The following DAAM1 variants were observed in gnomAD, a reference collection of about 807,000 sequenced individuals.
The protein encoded by DAAM1 is disheveled-associated activator of morphogenesis 1.
A neutral mutation model predicts 130.0 loss-of-function variants in DAAM1; 52 were observed. The ratio of observed to expected loss-of-function variants is 0.40; its 90% confidence interval spans 0.32 to 0.50. The LOEUF (loss-of-function observed/expected upper bound fraction) is 0.50, where lower values mean the gene tolerates loss of function less well. DAAM1 is among the 20% of genes least tolerant of loss of function. DAAM1 has a pLI of 0.61. For missense variants in DAAM1, 1,134 were observed against 1,303.8 expected (o/e 0.87, Z 2.01); for synonymous variants, 452 against 444.5 (o/e 1.02, Z -0.21).
At chr14:59,329,805 T>G (rs1181430788) in intron 12 of DAAM1, among the ~76,000 whole-genome samples, 1 of 152,190 alleles carries the variant, frequency 6.6e-6, no homozygotes, top group Non-Finnish European at 1.5e-5. Flanking sequence ...GAGTCAATAT[T>G]TTTCTCCCCT....
chr14:59,363,697 T>TTGTGTC lies in DAAM1; in HGVS notation c.2745_2750dup (p.Ser916_Val917dup). Reference sequence around the variant, plus strand: ...CAGCCCCCACAGCCCGGAGATAAGTTTGTGTCTGTTGTCAGCCAGTTCATC... The same window carrying TTGTGTC: ...CAGCCCCCACAGCCCGGAGATAAGTTTGTGTCTGTGTCTGTTGTCAGCCAGTTCATC... On this transcript the variant is annotated inframe_insertion, in exon 23 of 25. Transcript: ENST00000360909. 6.2e-7 allele frequency: 1 copy of TTGTGTC among 1,614,146 alleles called. No homozygotes were observed. Among genetic ancestry groups the TTGTGTC allele is most frequent in the Non-Finnish European group, 8.5e-7 (1 of 1,179,984 alleles).
At chr14:59,213,729 G>A (rs1888496944) in intron 1 of DAAM1, among the ~76,000 whole-genome samples, 1 of 152,172 alleles carries the variant, frequency 6.6e-6, no homozygotes, top group Admixed American at 6.5e-5. Flanking sequence ...ATTTACGGTG[G>A]GTGGAGGGAA....
chr14:59,291,507 C>A, intron 3 of DAAM1: 1 of 526,180 alleles, frequency 1.9e-6, no homozygotes, highest in Non-Finnish European at 3.3e-6. Context: ...GGCTCTTTTC[C>A]ACCTGTAACC....
intron 3 of DAAM1, among the ~76,000 whole-genome samples, chr14:59,304,145 CCT>C (rs760601251): frequency 1.3e-4 from 20 of 152,128 alleles, no homozygotes; most frequent in Admixed American, 7.9e-4. Flanking sequence ...CCCAAGGCTG[CCT>C]GACTTCACCA....
chr14:59,190,723 G>C (rs534920374), intron 1 of DAAM1, among the ~76,000 whole-genome samples: 2 of 152,192 alleles, frequency 1.3e-5, no homozygotes, highest in Non-Finnish European at 2.9e-5. Flanking sequence ...TTGGTAATGT[G>C]AGGAAAGGGT....
chr14:59,361,988 A>T (rs1381984572), intron 22 of DAAM1, among the ~76,000 whole-genome samples: 5 of 151,494 alleles, frequency 3.3e-5, no homozygotes, highest in Non-Finnish European at 5.9e-5. Context: ...TTTTTTTTTC[A>T]ATAAATTAAG....
intron 1 of DAAM1, among the ~76,000 whole-genome samples, chr14:59,251,229 T>C (rs2139481777): frequency 6.6e-6 from 1 of 152,328 alleles, no homozygotes; most frequent in Admixed American, 6.5e-5. Flanking sequence ...GGTGCCTGTG[T>C]ATGAATGTAT....
At chr14:59,206,611 A>G (rs918895209) in intron 1 of DAAM1, among the ~76,000 whole-genome samples, 1 of 152,184 alleles carries the variant, frequency 6.6e-6, no homozygotes, top group African/African-American at 2.4e-5. Flanking sequence ...TACTTATCCC[A>G]CTCTTATTCC....
At chr14:59,217,501 A>AAC (rs1188662564) in intron 1 of DAAM1, among the ~76,000 whole-genome samples, 30 of 152,282 alleles carry the variant, frequency 2.0e-4, no homozygotes, top group African/African-American at 6.7e-4. Flanking sequence ...TGCTGCTGTT[A>AAC]TGGTATTGAT....
At chr14:59,317,287 G>A (rs757711220) in intron 4 of DAAM1, among the ~76,000 whole-genome samples, 4 of 152,186 alleles carry the variant, frequency 2.6e-5, no homozygotes, top group Non-Finnish European at 5.9e-5. Flanking sequence ...CCATGAATTA[G>A]TGAGGCCTCA....
chr14:59,323,513 C>G (rs1885098296), intron 6 of DAAM1, among the ~76,000 whole-genome samples: 1 of 152,064 alleles, frequency 6.6e-6, no homozygotes, highest in African/African-American at 2.4e-5. Flanking sequence ...ACTGGGTGTT[C>G]CCTGAAAATT....
intron 1 of DAAM1, among the ~76,000 whole-genome samples, chr14:59,248,633 GCTTTTGTGT>G (rs1881502962): frequency 6.6e-6 from 1 of 152,112 alleles, no homozygotes; most frequent in South Asian, 2.1e-4. Flanking sequence ...CAACACATGT[GCTTTTGTGT>G]TCTTGGCTGC....
chr14:59,354,472 G>A (rs562158441), intron 19 of DAAM1, among the ~76,000 whole-genome samples: 2 of 152,294 alleles, frequency 1.3e-5, no homozygotes, highest in East Asian at 3.9e-4. Flanking sequence ...CTCACAGCAC[G>A]CCTCCTGGGC....
In DAAM1 at chr14:59,315,430, C is replaced by G. The variant is rs777794009; in HGVS notation, c.345+79C>G. 8.9e-6 allele frequency: 12 copies of G among 1,344,988 alleles called. 1 individual carries two copies. The Admixed American group carries it at 1.2e-4, about 14-fold the overall frequency. The allele number at this position is 1,344,988 out of a possible 1,614,324, so 83.3% of individuals were successfully genotyped here. On this transcript the variant is annotated intron_variant, in intron 4 of 24. Coordinates refer to ENST00000360909, the MANE Select transcript of DAAM1 (RefSeq NM_001270520.2). ...AAAGTACACAGTTGCACAATAAATT[C>G]GATTGAGTATGACCTACCAAATGTC...
At chr14:59,194,557 A>G (rs920705713) in intron 1 of DAAM1, among the ~76,000 whole-genome samples, 1 of 152,254 alleles carries the variant, frequency 6.6e-6, no homozygotes, top group African/African-American at 2.4e-5. Context: ...ACAGGGCCAC[A>G]GAAGCCTGTG....
intron 1 of DAAM1, among the ~76,000 whole-genome samples, chr14:59,257,767 T>C (rs1195429407): frequency 6.6e-6 from 1 of 152,194 alleles, no homozygotes; most frequent in African/African-American, 2.4e-5. Flanking sequence ...GCATCCACCA[T>C]GGCCCATTAG....
intron 2 of DAAM1, among the ~76,000 whole-genome samples, chr14:59,284,250 G>A (rs1410892912): frequency 2.6e-5 from 4 of 152,078 alleles, no homozygotes; most frequent in African/African-American, 9.7e-5. Context: ...CAGTGAGAAT[G>A]AAAGGGAAAA....
At chr14:59,224,792 A>T (rs1033889617) in intron 1 of DAAM1, among the ~76,000 whole-genome samples, 19 of 152,320 alleles carry the variant, frequency 1.2e-4, no homozygotes, top group Non-Finnish European at 2.6e-4. Context: ...AGGTGGTGCT[A>T]TTAGAAGGTG....
At chr14:59,192,147 G>GGGGT (rs1555353448) in intron 1 of DAAM1, among the ~76,000 whole-genome samples, 5 of 106,150 alleles carry the variant, frequency 4.7e-5, no homozygotes. Flanking sequence ...TGCTTGTTAA[G>GGGGT]GGGTGTGTGT....
Sources: allele counts gnomAD v4.1 joint callset (sites outside exome capture counted in the v4.1 genomes callset), GRCh38; gene constraint gnomAD v4.1.1; transcripts MANE v1.5; gene names NCBI Gene and HGNC (gene_info 2026-07-23, HGNC 2026-07-21).